KATNBL1: variants seen among roughly 807,000 people sequenced by gnomAD.
The protein encoded by KATNBL1 is KATNB1-like protein 1.
KATNBL1 carries 28 observed loss-of-function variants against 44.7 expected under a neutral mutation model. The ratio of observed to expected loss-of-function variants is 0.63; its 90% CI spans 0.46 to 0.86. KATNBL1 has a LOEUF of 0.86. Ranked by LOEUF, KATNBL1 falls within the 40% of genes least tolerant of loss-of-function variation. KATNBL1 has a pLI of 0.00. For synonymous variants in KATNBL1, 78 were observed against 114.9 expected (o/e 0.68, Z 2.06); for missense variants, 272 against 350.7 (o/e 0.78, Z 1.79).
intron 4 of KATNBL1, among the ~76,000 whole-genome samples, chr15:34,151,436 CTTTTTTTTTTTTTTTTTTTTTT>C (rs58824450): frequency 9.9e-5 from 6 of 60,678 alleles, no homozygotes; most frequent in Non-Finnish European, 1.8e-4. Context: ...CCTTTGCCTA[CTTTTTTTTTTTTTTTTTTTTTT>C]TTTTTTTTTT....
intron 2 of KATNBL1, among the ~76,000 whole-genome samples, chr15:34,158,250 A>G (rs1190478005): frequency 2.6e-5 from 4 of 152,232 alleles, no homozygotes; most frequent in Admixed American, 2.6e-4. Context: ...CTCTTGATGC[A>G]GATGAGAGAG....
intron 1 of KATNBL1, among the ~76,000 whole-genome samples, chr15:34,174,580 T>C (rs1020214078): frequency 6.6e-6 from 1 of 151,938 alleles, no homozygotes; most frequent in African/African-American, 2.4e-5. Flanking sequence ...TTATACGTTG[T>C]CCACAAGAAA....
At chr15:34,160,903 C>T (rs1409034397) in intron 2 of KATNBL1, among the ~76,000 whole-genome samples, 1 of 152,080 alleles carries the variant, frequency 6.6e-6, no homozygotes, top group Non-Finnish European at 1.5e-5. Context: ...GATTTCATGC[C>T]TTCCTTTCCT....
intron 1 of KATNBL1, among the ~76,000 whole-genome samples, chr15:34,201,151 A>G (rs933751726): frequency 3.3e-5 from 5 of 152,238 alleles, no homozygotes; most frequent in Non-Finnish European, 7.3e-5. Context: ...TTAGATTACT[A>G]CATTAGGGAA....
At chr15:34,166,628 GCCT>G (rs1224795749) in intron 1 of KATNBL1, among the ~76,000 whole-genome samples, 1 of 152,244 alleles carries the variant, frequency 6.6e-6, no homozygotes, top group South Asian at 2.1e-4. Context: ...TGGACAGACT[GCCT>G]CCTCAAGTGG....
chr15:34,200,085 T>C (rs1456153340), intron 1 of KATNBL1, among the ~76,000 whole-genome samples: 1 of 152,166 alleles, frequency 6.6e-6, no homozygotes, highest in African/African-American at 2.4e-5. Context: ...CACAGAGCAC[T>C]GATGGGTGCA....
chr15:34,163,104 C>T (rs988221653), intron 2 of KATNBL1, among the ~76,000 whole-genome samples: 3 of 147,676 alleles, frequency 2.0e-5, no homozygotes, highest in South Asian at 2.1e-4. Context: ...AATGCAATGG[C>T]GCGATCTCAG....
chr15:34,150,499 TG>T (rs1259217902), intron 4 of KATNBL1, among the ~76,000 whole-genome samples: 2 of 151,890 alleles, frequency 1.3e-5, no homozygotes, highest in African/African-American at 4.8e-5. Context: ...GAGACTGAGG[TG>T]GGAGGATTGC....
At chr15:34,202,484 G>A (rs565181972) in intron 1 of KATNBL1, among the ~76,000 whole-genome samples, 1 of 152,134 alleles carries the variant, frequency 6.6e-6, no homozygotes, top group East Asian at 1.9e-4. Context: ...CAAAACTTGT[G>A]AGGATTATAT....
rs774527968 is a variant in KATNBL1 at position 34,163,584 on chromosome 15, A to C, written c.93T>G (p.Asn31Lys). The change falls in exon 2 of 10, where the codon AAT becomes AAG. Residue 31 changes from asparagine to lysine, a missense_variant. By Grantham distance (94) the Asn-to-Lys change is moderately conservative. Around this residue, in one of 3 missense-constraint regions of KATNBL1, gnomAD observed 122 missense variants for 125.0 expected, o/e 0.98. Coordinates refer to ENST00000256544, the MANE Select transcript of KATNBL1 (RefSeq NM_024713.3). ...FIDLPRKKIS[N>K]FTNKNMKEVK... Reference sequence around the variant, plus strand: ...CCTCCTTCATGTTCTTATTAGTGAAATTAGAGATCTTTTTTCTAGGAAGAT... The same window carrying C: ...CCTCCTTCATGTTCTTATTAGTGAACTTAGAGATCTTTTTTCTAGGAAGAT... 2.5e-5 allele frequency: 40 copies of C among 1,595,456 alleles called. No individual in the cohort carries two copies. Among genetic ancestry groups the C allele is most frequent in the Non-Finnish European group, 3.2e-5 (38 of 1,175,550 alleles).
At chr15:34,163,427 C>A (rs1888869372) in intron 2 of KATNBL1, 133 bp downstream of exon 2, 1 of 1,025,578 alleles carries the variant, frequency 9.8e-7, no homozygotes, top group Non-Finnish European at 1.4e-6. Flanking sequence ...GGTTATATTT[C>A]ACCAATTCAA....
At chr15:34,150,489 G>T (rs760945516) in intron 4 of KATNBL1, among the ~76,000 whole-genome samples, 15 of 152,198 alleles carry the variant, frequency 9.9e-5, no homozygotes, top group Non-Finnish European at 2.1e-4. Context: ...AGTTACTCTG[G>T]AGACTGAGGT....
intron 3 of KATNBL1, among the ~76,000 whole-genome samples, chr15:34,154,334 G>A (rs1203736794): frequency 6.6e-6 from 1 of 152,170 alleles, no homozygotes; most frequent in Non-Finnish European, 1.5e-5. Context: ...AGGCAGATCT[G>A]AGAATGAATG....
chr15:34,189,243 C>T (rs530055017), intron 1 of KATNBL1, among the ~76,000 whole-genome samples: 29 of 152,310 alleles, frequency 1.9e-4, no homozygotes, highest in Admixed American at 1.8e-3. Context: ...AGGCTGGTCT[C>T]GAAGTCCCAA....
chr15:34,156,215 G>A (rs531289434), intron 2 of KATNBL1, among the ~76,000 whole-genome samples: 3 of 152,208 alleles, frequency 2.0e-5, no homozygotes, highest in Non-Finnish European at 4.4e-5. Context: ...TCTTTGTCGT[G>A]AGAGACACAA....
chr15:34,182,518 TTAC>T (rs1003634276), intron 1 of KATNBL1, among the ~76,000 whole-genome samples: 2 of 151,798 alleles, frequency 1.3e-5, no homozygotes, highest in African/African-American at 4.8e-5. Flanking sequence ...GTGAAAGGAG[TTAC>T]TATTAAAAAT....
intron 1 of KATNBL1, among the ~76,000 whole-genome samples, chr15:34,194,792 G>A (rs2140991973): frequency 1.3e-5 from 2 of 152,048 alleles, no homozygotes; most frequent in East Asian, 3.9e-4. Context: ...TAAAAAACAG[G>A]GTAAGAACAC....
chr15:34,143,749 A>C (rs1200462420), intron 9 of KATNBL1, among the ~76,000 whole-genome samples: 4 of 148,274 alleles, frequency 2.7e-5, no homozygotes, highest in African/African-American at 1.0e-4. Flanking sequence ...AGAGATCAAG[A>C]CCATCCTGGC....
chr15:34,192,323 G>A (rs1184217256), intron 1 of KATNBL1, among the ~76,000 whole-genome samples: 1 of 150,662 alleles, frequency 6.6e-6, no homozygotes, highest in African/African-American at 2.4e-5. Context: ...AGAATTGCTT[G>A]AACCCAGGAG....
Sources: allele counts gnomAD v4.1 joint callset (sites outside exome capture counted in the v4.1 genomes callset), GRCh38; gene constraint gnomAD v4.1.1; regional missense constraint gnomAD v4.1.1; transcripts MANE v1.5; gene names NCBI Gene and HGNC (gene_info 2026-07-23, HGNC 2026-07-21).